TRPM3: variants seen among roughly 807,000 people sequenced by gnomAD.
TRPM3 encodes transient receptor potential cation channel subfamily M member 3.
In TRPM3, 77 loss-of-function variants were observed where a neutral mutation model predicts 181.2. The ratio of observed to expected loss-of-function variants is 0.42; its 90% CI spans 0.35 to 0.51. TRPM3 has a LOEUF of 0.51. Ranked by LOEUF, TRPM3 falls within the 20% of genes least tolerant of loss-of-function variation. The probability of loss-of-function intolerance (pLI) is 0.01; values close to 1 mark genes in which losing one functional copy is unlikely to be tolerated. For synonymous variants in TRPM3, 745 were observed against 796.4 expected (o/e 0.94, Z 1.09); for missense variants, 1,759 against 2,196.7 (o/e 0.80, Z 3.98).
At chr9:70,897,320 G>A (rs986923195) in intron 1 of TRPM3, among the ~76,000 whole-genome samples, 1 of 139,808 alleles carries the variant, frequency 7.2e-6, no homozygotes, top group African/African-American at 2.7e-5. Context: ...TTATTCAGCC[G>A]TAAAAAAGAA....
At chr9:71,387,946 C>T (rs897619053) in intron 1 of TRPM3, among the ~76,000 whole-genome samples, 2 of 152,168 alleles carry the variant, frequency 1.3e-5, no homozygotes, top group African/African-American at 4.8e-5. Context: ...TATATTTCTA[C>T]ATCATCTACA....
intron 1 of TRPM3, among the ~76,000 whole-genome samples, chr9:71,003,794 G>A (rs963366687): frequency 2.0e-5 from 3 of 151,308 alleles, no homozygotes; most frequent in African/African-American, 4.9e-5. Context: ...AAAGTATTCC[G>A]GAATAAGAAT....
chr9:71,093,232 A>T (rs562298648), intron 1 of TRPM3, among the ~76,000 whole-genome samples: 1 of 152,332 alleles, frequency 6.6e-6, no homozygotes, highest in South Asian at 2.1e-4. Context: ...AAAATTACAA[A>T]TGGGATCTAA....
chr9:71,033,184 G>A (rs1025835771), intron 1 of TRPM3, among the ~76,000 whole-genome samples: 17 of 152,334 alleles, frequency 1.1e-4, no homozygotes, highest in African/African-American at 3.8e-4. Flanking sequence ...AAGGAAATGT[G>A]GTACTTAGAG....
chr9:70,568,773 C>A (rs1807441867), intron 22 of TRPM3, among the ~76,000 whole-genome samples: 1 of 152,218 alleles, frequency 6.6e-6, no homozygotes, highest in African/African-American at 2.4e-5. Context: ...ATTTTAAAGG[C>A]AGGAGGATTT....
At chr9:70,579,905 C>T (rs980831449) in intron 22 of TRPM3, among the ~76,000 whole-genome samples, 25 of 152,202 alleles carry the variant, frequency 1.6e-4, no homozygotes, top group African/African-American at 6.0e-4. Flanking sequence ...CTCATGCTGG[C>T]TTCTGGCTGC....
intron 1 of TRPM3, among the ~76,000 whole-genome samples, chr9:71,251,970 C>T (rs1287600273): frequency 2.6e-5 from 4 of 152,080 alleles, no homozygotes; most frequent in African/African-American, 9.7e-5. Context: ...TGTTTCTGTA[C>T]CTGGCTTATT....
intron 1 of TRPM3, among the ~76,000 whole-genome samples, chr9:71,096,590 A>ACACACACACACTCTCTCTCTCTCTCT (rs1452142664): frequency 2.2e-5 from 2 of 90,044 alleles, no homozygotes; most frequent in African/African-American, 1.0e-4. Context: ...ACACACACAC[A>ACACACACACACTCTCTCTCTCTCTCT]CTCTCTCTCT....
At chr9:71,157,811 A>T (rs570659232) in intron 1 of TRPM3, among the ~76,000 whole-genome samples, 2 of 152,280 alleles carry the variant, frequency 1.3e-5, no homozygotes, top group East Asian at 3.9e-4. Flanking sequence ...TGGTATTTTT[A>T]GTCATTCTTT....
At chr9:71,136,683 C>G (rs559548043) in intron 1 of TRPM3, among the ~76,000 whole-genome samples, 5 of 152,036 alleles carry the variant, frequency 3.3e-5, no homozygotes, top group Admixed American at 3.3e-4. Flanking sequence ...GCAAAGAATG[C>G]GAAGAGGGCA....
At chr9:70,830,821 C>T (rs993495745) in intron 5 of TRPM3, among the ~76,000 whole-genome samples, 2 of 152,162 alleles carry the variant, frequency 1.3e-5, no homozygotes, top group Admixed American at 1.3e-4. Flanking sequence ...GTGCAAAGTA[C>T]CTGGCACTAT....
intron 1 of TRPM3, among the ~76,000 whole-genome samples, chr9:71,020,763 A>C (rs1487936122): frequency 6.6e-6 from 1 of 152,214 alleles, no homozygotes; most frequent in Non-Finnish European, 1.5e-5. Context: ...TAGAATTCTC[A>C]TACACTTTGG....
intron 22 of TRPM3, among the ~76,000 whole-genome samples, chr9:70,585,185 G>A (rs146509463): frequency 2.6e-5 from 4 of 152,144 alleles, no homozygotes; most frequent in Non-Finnish European, 5.9e-5. Flanking sequence ...TTTTGCGCTT[G>A]CACTGAAATA....
chr9:71,211,269 C>T (rs1440212175), intron 1 of TRPM3, among the ~76,000 whole-genome samples: 1 of 152,146 alleles, frequency 6.6e-6, no homozygotes, highest in African/African-American at 2.4e-5. Flanking sequence ...AGAAGGTTCA[C>T]TGATGTTCTG....
intron 8 of TRPM3, among the ~76,000 whole-genome samples, chr9:70,747,098 T>C (rs2075291532): frequency 6.6e-6 from 1 of 152,216 alleles, no homozygotes; most frequent in Non-Finnish European, 1.5e-5. Flanking sequence ...GTTAAAGATT[T>C]ATTGAGTGTC....
intron 1 of TRPM3, among the ~76,000 whole-genome samples, chr9:71,010,962 T>C (rs865884239): frequency 7.1e-6 from 1 of 140,694 alleles, no homozygotes; most frequent in African/African-American, 2.7e-5. Flanking sequence ...CACACACACA[T>C]AAATAGTATT....
intron 1 of TRPM3, among the ~76,000 whole-genome samples, chr9:70,925,946 TA>T (rs2096716839): frequency 1.3e-5 from 2 of 150,120 alleles, no homozygotes; most frequent in South Asian, 2.1e-4. Flanking sequence ...TTCAGTAAGG[TA>T]CATTGTGATT....
At chr9:70,868,142 A>G (rs913913861) in intron 1 of TRPM3, among the ~76,000 whole-genome samples, 5 of 152,052 alleles carry the variant, frequency 3.3e-5, no homozygotes, top group African/African-American at 9.7e-5. Flanking sequence ...TGGCCCCCAG[A>G]AAACCTCTCT....
chr9:70,646,576 G>A (rs1310882912), intron 9 of TRPM3, among the ~76,000 whole-genome samples: 1 of 152,090 alleles, frequency 6.6e-6, no homozygotes, highest in African/African-American at 2.4e-5. Context: ...TAGGGGGTGA[G>A]GGGCTAGGGG....
Sources: allele counts gnomAD v4.1 joint callset (sites outside exome capture counted in the v4.1 genomes callset), GRCh38; gene constraint gnomAD v4.1.1; transcripts MANE v1.5; gene names NCBI Gene and HGNC (gene_info 2026-07-23, HGNC 2026-07-21).